Variants in SRPK2 observed in about 807,000 individuals in gnomAD.
The protein encoded by SRPK2 is SFRS protein kinase 2.
Under a neutral mutation model 90.8 loss-of-function variants are expected in SRPK2, and 21 were observed. That is an observed-to-expected ratio of 0.23 (90% CI 0.16 to 0.33). The LOEUF (loss-of-function observed/expected upper bound fraction) is 0.33. Among genes scored for constraint, SRPK2 ranks in the 10% least tolerant of loss-of-function variants. The pLI is 1.00. For synonymous variants in SRPK2, 288 were observed against 311.1 expected, an observed-to-expected ratio of 0.93 and a Z score of 0.78; for missense variants, 620 against 869.0, an observed-to-expected ratio of 0.71 and a Z score of 3.60.
intron 8 of SRPK2, among the ~76,000 whole-genome samples, chr7:105,145,712 C>T (rs1419694056): frequency 6.6e-6 from 1 of 152,112 alleles, no homozygotes. Context: ...ATCTATTTTG[C>T]AAGCTTTCTA....
At chr7:105,136,387 A>C (rs1802809229) in intron 11 of SRPK2, among the ~76,000 whole-genome samples, 1 of 152,244 alleles carries the variant, frequency 6.6e-6, no homozygotes, top group Non-Finnish European at 1.5e-5. Context: ...GAGTCACCAC[A>C]GTAGTGACCT....
chr7:105,288,430 T>A (rs1808469370), intron 2 of SRPK2, among the ~76,000 whole-genome samples: 1 of 151,912 alleles, frequency 6.6e-6, no homozygotes, highest in Non-Finnish European at 1.5e-5. Flanking sequence ...CTATCTCTAC[T>A]AAAAATATAA....
At chr7:105,198,013 AAGTT>A (rs1242643954) in intron 3 of SRPK2, among the ~76,000 whole-genome samples, 2 of 152,216 alleles carry the variant, frequency 1.3e-5, no homozygotes, top group African/African-American at 2.4e-5. Context: ...GTTCTGGAAA[AAGTT>A]AGGAACATAA....
intron 1 of SRPK2, among the ~76,000 whole-genome samples, chr7:105,397,726 C>A (rs2132926860): frequency 6.6e-6 from 1 of 152,138 alleles, no homozygotes. Flanking sequence ...TCACTACAAC[C>A]TCCGCCTCAT....
In SRPK2 at chr7:105,143,336, T is replaced by A; in HGVS notation, c.814-6A>T. Reference sequence around the variant, plus strand: ...TTTTTAGATATTTTTCCTATCTATGTTAAGGAAAGACCACAGGTCAGTATT... The same window carrying A: ...TTTTTAGATATTTTTCCTATCTATGATAAGGAAAGACCACAGGTCAGTATT... On this transcript the variant is annotated splice_polypyrimidine_tract_variant and splice_region_variant and intron_variant, in intron 9 of 15. Transcript: ENST00000393651. The A allele has an allele frequency of 6.2e-7, 1 of 1,609,144 alleles. No homozygotes were observed. The highest frequency in any genetic ancestry group is 8.5e-7 in the Non-Finnish European group (1 of 1,179,476).
intron 2 of SRPK2, among the ~76,000 whole-genome samples, chr7:105,255,204 T>C (rs996603159): frequency 4.2e-4 from 64 of 150,664 alleles, no homozygotes; most frequent in African/African-American, 1.5e-3. Context: ...GGGAAACTAA[T>C]ATTGTTTCTC....
intron 11 of SRPK2, among the ~76,000 whole-genome samples, chr7:105,137,508 T>C (rs778917781): frequency 1.3e-5 from 2 of 152,200 alleles, no homozygotes; most frequent in Non-Finnish European, 2.9e-5. Context: ...TAGCAAGGAC[T>C]GACAGTGGTG....
chr7:105,119,377 CA>C (rs1800009455), intron 15 of SRPK2, among the ~76,000 whole-genome samples: 2 of 152,090 alleles, frequency 1.3e-5, no homozygotes, highest in Admixed American at 6.5e-5. Context: ...AGTATAAGAA[CA>C]AAAGGGGAAG....
At chr7:105,382,766 T>C (rs529243135) in intron 2 of SRPK2, among the ~76,000 whole-genome samples, 3 of 152,162 alleles carry the variant, frequency 2.0e-5, no homozygotes, top group Non-Finnish European at 4.4e-5. Context: ...AGAGAGTGAC[T>C]GTTCTTTGTG....
intron 2 of SRPK2, among the ~76,000 whole-genome samples, chr7:105,240,219 T>G (rs1260425220): frequency 6.6e-6 from 1 of 152,132 alleles, no homozygotes; most frequent in Non-Finnish European, 1.5e-5. Context: ...GCAAGGGGCC[T>G]TTCTCAGTCC....
At position 105,371,830 on chromosome 7, in the gene SRPK2, A is replaced by G. The variant is rs142115252; in HGVS notation, c.71+16818T>C. Among the ~76,000 whole-genome samples the G allele has an allele frequency of 7.3e-3, 1,117 of 152,232 alleles. 10 individuals are homozygous for G. The highest frequency in any genetic ancestry group is 0.023 in the African/African-American group (969 of 41,530). On this transcript the variant is annotated intron_variant, in intron 2 of 15. Transcript: ENST00000393651. Reference sequence around the variant, plus strand: ...GCTGTAAATTTACAGTTCTAAAAACATAATTAAAAAATATGTTCCCTGGGC... The same window carrying G: ...GCTGTAAATTTACAGTTCTAAAAACGTAATTAAAAAATATGTTCCCTGGGC...
intron 3 of SRPK2, among the ~76,000 whole-genome samples, chr7:105,170,904 AAAG>A (rs1790897398): frequency 8.8e-6 from 1 of 114,126 alleles, no homozygotes; most frequent in Non-Finnish European, 1.8e-5. Flanking sequence ...AGAAAGAAAG[AAAG>A]AAAGAAAGGA....
intron 2 of SRPK2, among the ~76,000 whole-genome samples, chr7:105,248,925 C>CAA (rs374019072): frequency 1.4e-3 from 152 of 111,268 alleles, no homozygotes; most frequent in Admixed American, 4.3e-3. Context: ...AGCTCCATCT[C>CAA]AAAAAAAAAA....
At chr7:105,270,355 A>G (rs1805664700) in intron 2 of SRPK2, among the ~76,000 whole-genome samples, 1 of 150,900 alleles carries the variant, frequency 6.6e-6, no homozygotes, top group African/African-American at 2.4e-5. Flanking sequence ...TTTTGGAAGG[A>G]GCAGGGTGTC....
intron 2 of SRPK2, among the ~76,000 whole-genome samples, chr7:105,216,764 T>C (rs908041954): frequency 3.3e-5 from 5 of 152,058 alleles, no homozygotes; most frequent in Non-Finnish European, 5.9e-5. Context: ...AGAGTCAAGA[T>C]ACAAGCCACA....
chr7:105,176,146 T>G (rs770442106), intron 3 of SRPK2, among the ~76,000 whole-genome samples: 18 of 152,204 alleles, frequency 1.2e-4, no homozygotes, highest in Non-Finnish European at 2.2e-4. Context: ...TGGGGTTTAT[T>G]CCAGGAACAC....
In SRPK2 at chr7:105,388,676, T is replaced by C; in HGVS notation, c.43A>G (p.Arg15Gly). ...TTCGGATGTTTCTCTCTTTTCGGCC[T>C]CCGCTTTCGGGCCTGAATGGCCAGC... is the stretch of plus-strand genomic sequence containing the variant. ...KVLAIQARKR[R>G]PKREKHPKKP... Residue 15 changes from arginine to glycine, a missense_variant, in exon 2 of 16, where the codon AGG becomes GGG. Physicochemically the swap from Arg to Gly is moderately radical, Grantham distance 125. This residue lies in a region of SRPK2 where 56 missense variants were observed against 49.6 expected (regional missense o/e 1.13). Coordinates refer to ENST00000393651, the MANE Select transcript of SRPK2 (RefSeq NM_182692.3). 6.3e-7 allele frequency: 1 copy of C among 1,587,742 alleles called. No individual in the cohort carries two copies. The highest frequency in any genetic ancestry group is 8.6e-7 in the Non-Finnish European group (1 of 1,166,958).
chr7:105,270,864 G>A (rs977231062), intron 2 of SRPK2, among the ~76,000 whole-genome samples: 1 of 152,140 alleles, frequency 6.6e-6, no homozygotes, highest in East Asian at 1.9e-4. Context: ...AAGTAGTATT[G>A]TGCCTGGGAT....
chr7:105,140,915 C>T (rs1190455228), intron 11 of SRPK2, among the ~76,000 whole-genome samples: 1 of 151,416 alleles, frequency 6.6e-6, no homozygotes, highest in Non-Finnish European at 1.5e-5. Context: ...GAGCCGAGAT[C>T]GCGCCACTGC....
Sources: allele counts gnomAD v4.1 joint callset (sites outside exome capture counted in the v4.1 genomes callset), GRCh38; gene constraint gnomAD v4.1.1; regional missense constraint gnomAD v4.1.1; transcripts MANE v1.5; gene names NCBI Gene and HGNC (gene_info 2026-07-23, HGNC 2026-07-21).